Variants in AGBL1 observed in about 807,000 individuals in gnomAD.
AGBL1 encodes the protein cytosolic carboxypeptidase 4.
Under a neutral mutation model 118.9 loss-of-function variants are expected in AGBL1, and 130 were observed. That is an observed-to-expected ratio of 1.09 (90% confidence interval 0.95 to 1.26). The LOEUF is 1.26. Ranked by LOEUF, AGBL1 falls within the 50% of genes most tolerant of loss-of-function variation. The probability of loss-of-function intolerance (pLI) is 0.00; values close to 1 mark genes in which losing one functional copy is unlikely to be tolerated. For synonymous variants in AGBL1, 555 were observed against 478.9 expected (o/e 1.16, Z -2.08); for missense variants, 1,584 against 1,298.1 (o/e 1.22, Z -3.38).
At chr15:86,759,907 G>A (rs1476757172) in intron 22 of AGBL1, among the ~76,000 whole-genome samples, 12 of 152,064 alleles carry the variant, frequency 7.9e-5, no homozygotes, top group Non-Finnish European at 1.3e-4. Flanking sequence ...CTTTCCTAGA[G>A]CAGAGTAAAG....
intron 23 of AGBL1, among the ~76,000 whole-genome samples, chr15:86,979,343 C>A (rs1204931035): frequency 6.6e-6 from 1 of 152,174 alleles, no homozygotes; most frequent in Non-Finnish European, 1.5e-5. Flanking sequence ...AATTATAATG[C>A]ACATTTGTTT....
At chr15:86,692,335 A>G (rs535691121) in intron 22 of AGBL1, among the ~76,000 whole-genome samples, 3 of 152,260 alleles carry the variant, frequency 2.0e-5, no homozygotes, top group African/African-American at 7.2e-5. Flanking sequence ...ACAAAGCAAG[A>G]TCAGGGAAGC....
rs770780218 is a variant in AGBL1, at chr15:86,084,833, T to TATCCATCCATCCATCCATCCATCC, written c.51+4830_51+4831insATCCATCCATCCATCCATCCATCC. Among the ~76,000 whole-genome samples the TATCCATCCATCCATCCATCCATCC allele has an allele frequency of 9.4e-3, 1,439 of 152,314 alleles. 7 individuals are homozygous for TATCCATCCATCCATCCATCCATCC. The highest frequency in any genetic ancestry group is 0.015 in the Non-Finnish European group (996 of 68,028). ...ATATTCACTCATCCACCCATTCATT[T>TATCCATCCATCCATCCATCCATCC]ATCCATCCATCCATCCATCCCATTT... On this transcript the variant is annotated intron_variant, in intron 1 of 22. Coordinates refer to ENST00000614907, the MANE Select transcript of AGBL1 (RefSeq NM_001386094.1).
At chr15:86,624,944 C>T (rs1280753302) in intron 21 of AGBL1, among the ~76,000 whole-genome samples, 2 of 152,198 alleles carry the variant, frequency 1.3e-5, no homozygotes, top group African/African-American at 4.8e-5. Flanking sequence ...GCCTTCAGAG[C>T]TGCTTACCAG....
At chr15:86,695,455 C>G (rs1242450742) in intron 22 of AGBL1, among the ~76,000 whole-genome samples, 1 of 151,874 alleles carries the variant, frequency 6.6e-6, no homozygotes, top group East Asian at 1.9e-4. Context: ...CATTTCGTTT[C>G]TAATTGAGTT....
chr15:86,154,327 A>G lies in AGBL1; in HGVS notation c.263-103A>G. The G allele has an allele frequency of 9.7e-6, 13 of 1,333,358 alleles. No homozygotes were observed. The South Asian group carries it at 1.8e-4, about 18-fold the overall frequency. The allele number at this position is 1,333,358 out of a possible 1,614,324, so 82.6% of individuals were successfully genotyped here. On this transcript the variant is annotated intron_variant, in intron 3 of 22. Coordinates refer to ENST00000614907, the MANE Select transcript of AGBL1 (RefSeq NM_001386094.1). ...GGTCTGAAAAATGTCTTTGGCTATG[A>G]TTATCCTCCTCCTTCACCATCTTCC...
intron 4 of AGBL1, among the ~76,000 whole-genome samples, chr15:86,156,019 T>C (rs1290681204): frequency 6.6e-6 from 1 of 152,156 alleles, no homozygotes; most frequent in East Asian, 1.9e-4. Flanking sequence ...CCTCCCAGGT[T>C]CAAGCAATTC....
intron 5 of AGBL1, among the ~76,000 whole-genome samples, chr15:86,214,213 T>C (rs1362142758): frequency 6.6e-6 from 1 of 152,216 alleles, no homozygotes; most frequent in Non-Finnish European, 1.5e-5. Flanking sequence ...AATCAGAAAC[T>C]GTCTGCTGGG....
At chr15:86,261,644 C>T (rs2078986842) in intron 9 of AGBL1, among the ~76,000 whole-genome samples, 1 of 151,320 alleles carries the variant, frequency 6.6e-6, no homozygotes, top group Non-Finnish European at 1.5e-5. Flanking sequence ...ATTAAGGAAA[C>T]TTAATCTAGG....
chr15:86,274,276 G>T (rs868487923), intron 15 of AGBL1, among the ~76,000 whole-genome samples: 1 of 151,994 alleles, frequency 6.6e-6, no homozygotes, highest in Non-Finnish European at 1.5e-5. Context: ...TGGTAATTTT[G>T]AGAAATTTTG....
chr15:86,653,339 C>T (rs74326103), intron 21 of AGBL1, among the ~76,000 whole-genome samples: 126 of 152,258 alleles, frequency 8.3e-4, no homozygotes, highest in African/African-American at 2.9e-3. Context: ...CCCTGCCACC[C>T]GGAGTACAAG....
intron 21 of AGBL1, among the ~76,000 whole-genome samples, chr15:86,576,309 G>A (rs28603145): frequency 0.021 from 3,235 of 152,172 alleles, 124 homozygotes; most frequent in African/African-American, 0.072. Flanking sequence ...AGAGAAAAAC[G>A]ATTTGGGAAT....
At chr15:86,377,042 C>T (rs1289657615) in intron 17 of AGBL1, among the ~76,000 whole-genome samples, 2 of 152,088 alleles carry the variant, frequency 1.3e-5, no homozygotes, top group East Asian at 1.9e-4. Flanking sequence ...ATAGAGTGGG[C>T]CAGGTCTTTA....
chr15:86,721,028 G>C (rs1354033113), intron 22 of AGBL1, among the ~76,000 whole-genome samples: 1 of 152,058 alleles, frequency 6.6e-6, no homozygotes, highest in Non-Finnish European at 1.5e-5. Flanking sequence ...ATCAAAAAAA[G>C]TCCAGGACCA....
chr15:87,031,089 C>T (rs1400501333), downstream of AGBL1, among the ~76,000 whole-genome samples: 1 of 152,034 alleles, frequency 6.6e-6, no homozygotes, highest in East Asian at 1.9e-4. Context: ...TCAATTCCCA[C>T]TACAATATCT....
At chr15:86,318,655 G>A (rs1449854214) in intron 17 of AGBL1, among the ~76,000 whole-genome samples, 3 of 151,362 alleles carry the variant, frequency 2.0e-5, no homozygotes, top group East Asian at 1.9e-4. Flanking sequence ...GGGAGTTATG[G>A]GAGGGTATTT....
intron 17 of AGBL1, chr15:86,296,627 C>G (rs953613337): frequency 6.6e-6 from 1 of 152,210 alleles, no homozygotes; most frequent in Non-Finnish European, 1.5e-5. Flanking sequence ...ACAATGGATG[C>G]TTAACAACCT....
At chr15:86,939,656 C>T (rs2080722393) in intron 23 of AGBL1, 1 of 152,246 alleles carries the variant, frequency 6.6e-6, no homozygotes, top group East Asian at 1.9e-4. Context: ...ACTTACCTCT[C>T]TCCTCAAAGG....
intron 21 of AGBL1, among the ~76,000 whole-genome samples, chr15:86,592,847 A>G (rs62012502): frequency 0.052 from 7,848 of 152,166 alleles, 256 homozygotes; most frequent in East Asian, 0.14. Flanking sequence ...ATGCCAGACC[A>G]ACACCCAATG....
Sources: gnomAD v4.1 joint callset for allele counts (sites outside exome capture counted in the v4.1 genomes callset) on GRCh38, gnomAD v4.1.1 for gene constraint, MANE v1.5 for transcripts, NCBI Gene and HGNC (gene_info 2026-07-23, HGNC 2026-07-21) for gene names.